Variants in EVI5 observed in about 807,000 individuals in gnomAD.
EVI5 encodes the protein ecotropic viral integration site 5.
EVI5 carries 73 observed loss-of-function variants against 112.0 expected under a neutral mutation model. The ratio of observed to expected loss-of-function variants is 0.65; its 90% confidence interval spans 0.54 to 0.79. The LOEUF is 0.79. Among genes scored for constraint, EVI5 ranks in the 30% least tolerant of loss-of-function variants. EVI5 has a pLI of 0.00. For missense variants in EVI5, 900 were observed against 968.8 expected, an observed-to-expected ratio of 0.93 and a Z score of 0.94; for synonymous variants, 305 against 319.9, an observed-to-expected ratio of 0.95 and a Z score of 0.50.
chr1:92,593,974 T>C (rs1023687186), intron 18 of EVI5, among the ~76,000 whole-genome samples: 4 of 152,118 alleles, frequency 2.6e-5, no homozygotes, highest in Non-Finnish European at 4.4e-5. Flanking sequence ...AGAATCAATA[T>C]CGTGAAAATG....
chr1:92,539,281 G>A lies in EVI5; in HGVS notation c.2166+24361C>T, dbSNP rs1176908445. 5.3e-5 allele frequency among the ~76,000 whole-genome samples: 8 copies of A among 152,170 alleles called. No individual in the cohort carries two copies. The East Asian group carries it at 7.7e-4, about 15-fold the overall frequency. ...AACCCGGCCGGGCGCAGTGGCTCACGCCTATAATCCCAACACTTTGGGAGG... is the reference window on the plus strand; with the variant it reads ...AACCCGGCCGGGCGCAGTGGCTCACACCTATAATCCCAACACTTTGGGAGG... On this transcript the variant is annotated intron_variant, in intron 19 of 19. Coordinates refer to ENST00000684568, the MANE Select transcript of EVI5 (RefSeq NM_001350197.2).
intron 19 of EVI5, among the ~76,000 whole-genome samples, chr1:92,536,956 C>T (rs1664010767): frequency 6.6e-6 from 1 of 152,034 alleles, no homozygotes; most frequent in Non-Finnish European, 1.5e-5. Flanking sequence ...TTATATAATG[C>T]TTTACAGTTA....
At chr1:92,768,687 C>A (rs922131454) in intron 1 of EVI5, among the ~76,000 whole-genome samples, 4 of 152,108 alleles carry the variant, frequency 2.6e-5, no homozygotes, top group African/African-American at 9.7e-5. Context: ...CCAGTCTGGG[C>A]AACAAGATGA....
intron 13 of EVI5, among the ~76,000 whole-genome samples, chr1:92,648,084 C>A (rs1224632615): frequency 7.0e-6 from 1 of 141,854 alleles, no homozygotes; most frequent in African/African-American, 2.6e-5. Flanking sequence ...CGGTGGCTCA[C>A]GCCTGTAATC....
At chr1:92,630,566 T>C (rs953266976) in intron 14 of EVI5, among the ~76,000 whole-genome samples, 3 of 149,528 alleles carry the variant, frequency 2.0e-5, no homozygotes, top group African/African-American at 4.8e-5. Flanking sequence ...TTCTGGATAT[T>C]AGCCCTTCGT....
chr1:92,550,293 A>G (rs1666574741), intron 19 of EVI5, among the ~76,000 whole-genome samples: 1 of 140,976 alleles, frequency 7.1e-6, no homozygotes, highest in Non-Finnish European at 1.5e-5. Flanking sequence ...TGGGAACTGA[A>G]CAATGAGAAC....
At chr1:92,789,785 A>C (rs1238683732), upstream of EVI5, among the ~76,000 whole-genome samples, 1 of 152,196 alleles carries the variant, frequency 6.6e-6, no homozygotes, top group African/African-American at 2.4e-5. Context: ...CAGTCATGTT[A>C]GCTCCATTGT....
chr1:92,694,151 A>G, intron 8 of EVI5, 148 bp downstream of exon 8: 2 of 614,428 alleles, frequency 3.3e-6, no homozygotes, highest in Non-Finnish European at 5.8e-6. Flanking sequence ...AATTCCAGCT[A>G]CACAGAAGGC....
At chr1:92,547,526 C>CA (rs1665960601) in intron 19 of EVI5, among the ~76,000 whole-genome samples, 1 of 151,996 alleles carries the variant, frequency 6.6e-6, no homozygotes, top group Admixed American at 6.6e-5. Context: ...GATAGAGACA[C>CA]AAAAAACCCT....
intron 19 of EVI5, among the ~76,000 whole-genome samples, chr1:92,516,132 A>G (rs565052761): frequency 6.6e-6 from 1 of 152,290 alleles, no homozygotes; most frequent in East Asian, 1.9e-4. Flanking sequence ...ATTGCAACAC[A>G]CAATTTATAG....
Position 92,703,586 on chromosome 1 carries a change from T to C in EVI5, c.373A>G (p.Arg125Gly). The C allele has an allele frequency of 6.3e-7, 1 of 1,592,940 alleles. No individual in the cohort carries two copies. The highest frequency in any genetic ancestry group is 8.5e-7 in the Non-Finnish European group (1 of 1,172,924). ...CATAAAAGTTGCCAAACTATTGCTCTAAAGTGATGGGGTATCCCTTTATGA... is the reference window on the plus strand; with the variant it reads ...CATAAAAGTTGCCAAACTATTGCTCCAAAGTGATGGGGTATCCCTTTATGA... ...LVHKGIPHHF[R>G]AIVWQLLCSA... Residue 125 changes from arginine to glycine, a missense_variant, in exon 4 of 20, where the codon AGA becomes GGA. Coordinates refer to ENST00000684568, the MANE Select transcript of EVI5 (RefSeq NM_001350197.2).
intron 18 of EVI5, among the ~76,000 whole-genome samples, chr1:92,605,054 G>T (rs1013374067): frequency 2.0e-5 from 3 of 152,146 alleles, no homozygotes; most frequent in Admixed American, 6.5e-5. Context: ...TTCAGTTAGG[G>T]AGGATGAAAA....
intron 2 of EVI5, among the ~76,000 whole-genome samples, chr1:92,719,319 C>G (rs1396752042): frequency 2.0e-5 from 3 of 152,028 alleles, no homozygotes; most frequent in South Asian, 4.1e-4. Context: ...CAAACCGAAT[C>G]CAGCAGCACA....
intron 9 of EVI5, among the ~76,000 whole-genome samples, chr1:92,686,446 T>C (rs1367205916): frequency 1.3e-5 from 2 of 152,218 alleles, no homozygotes; most frequent in South Asian, 2.1e-4. Context: ...TCATACTGAA[T>C]GGGCAAAAGC....
In EVI5 at chr1:92,730,259, G is replaced by A. The variant is rs187009516; in HGVS notation, c.149+6139C>T. On this transcript the variant is annotated intron_variant, in intron 2 of 19. Coordinates refer to ENST00000684568, the MANE Select transcript of EVI5 (RefSeq NM_001350197.2). ...CACGTGCCTGTAATCCCAGGAGGCA[G>A]GGCTTGGAGAATCACTTGAGCCCAG... 4.2e-4 allele frequency among the ~76,000 whole-genome samples: 64 copies of A among 152,228 alleles called. 1 individual carries two copies. The East Asian group carries it at 0.01, about 24-fold the overall frequency.
intron 15 of EVI5, among the ~76,000 whole-genome samples, chr1:92,625,071 G>A (rs1023368540): frequency 6.6e-6 from 1 of 151,970 alleles, no homozygotes; most frequent in Non-Finnish European, 1.5e-5. Context: ...TTTTTTTAAT[G>A]AGAGATTTTT....
intron 2 of EVI5, among the ~76,000 whole-genome samples, chr1:92,708,692 T>C (rs563151025): frequency 6.6e-6 from 1 of 151,768 alleles, no homozygotes; most frequent in African/African-American, 2.4e-5. Flanking sequence ...ATTCATGATA[T>C]CAAAAAAAAG....
chr1:92,722,726 A>T (rs889203164), intron 2 of EVI5, among the ~76,000 whole-genome samples: 3 of 152,136 alleles, frequency 2.0e-5, no homozygotes, highest in African/African-American at 7.2e-5. Flanking sequence ...CATCTTATCC[A>T]AGAAACTTTC....
intron 1 of EVI5, among the ~76,000 whole-genome samples, chr1:92,761,306 A>G (rs2102991326): frequency 6.6e-6 from 1 of 152,264 alleles, no homozygotes; most frequent in East Asian, 1.9e-4. Flanking sequence ...CAAAATTACA[A>G]ACCAGAGTGT....
Sources: gnomAD v4.1 joint callset for allele counts (sites outside exome capture counted in the v4.1 genomes callset) on GRCh38, gnomAD v4.1.1 for gene constraint, MANE v1.5 for transcripts, NCBI Gene and HGNC (gene_info 2026-07-23, HGNC 2026-07-21) for gene names.